Variants in PDZD2 observed in about 807,000 individuals in gnomAD.
The protein encoded by PDZD2 is PDZ domain containing 2.
In PDZD2, 90 loss-of-function variants were observed where a neutral mutation model predicts 220.7. The ratio of observed to expected loss-of-function variants is 0.41; its 90% CI spans 0.34 to 0.49. PDZD2 has a LOEUF of 0.49. PDZD2 is among the 20% of genes least tolerant of loss of function. PDZD2 has a pLI of 0.28. For synonymous variants in PDZD2, 1,375 were observed against 1,450.5 expected, an observed-to-expected ratio of 0.95 and a Z score of 1.18; for missense variants, 3,174 against 3,608.5, an observed-to-expected ratio of 0.88 and a Z score of 3.08.
chr5:32,013,299 G>T (rs1753467789), intron 6 of PDZD2, among the ~76,000 whole-genome samples: 1 of 147,774 alleles, frequency 6.8e-6, no homozygotes. Flanking sequence ...GAACATCTTT[G>T]CTCCTATATC....
chr5:31,994,446 A>G (rs1399184564), intron 3 of PDZD2, among the ~76,000 whole-genome samples: 1 of 151,956 alleles, frequency 6.6e-6, no homozygotes, highest in African/African-American at 2.4e-5. Flanking sequence ...TCTCTACCAA[A>G]CGTCTCATTT....
intron 1 of PDZD2, among the ~76,000 whole-genome samples, chr5:31,666,114 T>TTTGTTCTAG (rs1407354713): frequency 2.0e-5 from 3 of 152,140 alleles, no homozygotes; most frequent in African/African-American, 7.2e-5. Context: ...AGGGAATAAA[T>TTTGTTCTAG]GGTACAAATT....
At position 32,057,752 on chromosome 5, in the gene PDZD2, C is replaced by T. The variant is rs146257182; in HGVS notation, c.1974+24C>T. On this transcript the variant is annotated intron_variant, in intron 11 of 24. Transcript: ENST00000438447. ...AGGTAACAACATTCTTATTGATCTC[C>T]TTTATCCTATTTTCCTTTCTTTATT... 7.6e-5 allele frequency: 114 copies of T among 1,496,880 alleles called. No individual in the cohort carries two copies. In the East Asian group the frequency reaches 2.6e-3, roughly 34 times the overall value. The allele number at this position is 1,496,880 out of a possible 1,614,324, so 92.7% of individuals were successfully genotyped here. A position where few individuals can be genotyped will look rare whatever the true frequency, so the allele number is the denominator to read the frequency against.
intron 1 of PDZD2, among the ~76,000 whole-genome samples, chr5:31,780,857 G>A (rs1319378499): frequency 6.6e-6 from 1 of 152,164 alleles, no homozygotes; most frequent in Non-Finnish European, 1.5e-5. Context: ...GCAGTTCCAG[G>A]CGTGTCACTG....
At chr5:31,762,935 C>T (rs1449499418) in intron 1 of PDZD2, among the ~76,000 whole-genome samples, 26 of 152,102 alleles carry the variant, frequency 1.7e-4, no homozygotes, top group South Asian at 2.1e-4. Context: ...CTTCTGCCCC[C>T]GACCCCTCCA....
intron 1 of PDZD2, among the ~76,000 whole-genome samples, chr5:31,696,753 A>G (rs768943412): frequency 6.6e-6 from 1 of 151,904 alleles, no homozygotes; most frequent in Non-Finnish European, 1.5e-5. Flanking sequence ...CTTAACCTCA[A>G]CCCCTTTCTC....
At chr5:31,766,275 A>T (rs962886010) in intron 1 of PDZD2, among the ~76,000 whole-genome samples, 1 of 152,182 alleles carries the variant, frequency 6.6e-6, no homozygotes, top group African/African-American at 2.4e-5. Flanking sequence ...CCTTTATAGT[A>T]TTGTTTTCTA....
At chr5:31,695,976 G>A (rs1747361757) in intron 1 of PDZD2, among the ~76,000 whole-genome samples, 1 of 152,136 alleles carries the variant, frequency 6.6e-6, no homozygotes, top group Non-Finnish European at 1.5e-5. Context: ...TTTGCCAGCT[G>A]TCTTATCTTT....
At position 32,035,321 on chromosome 5, in the gene PDZD2, C is replaced by T. The variant is rs182542554; in HGVS notation, c.1408-1910C>T. ...TGTCACCTAGGATGGAGTGCAGTGG[C>T]GTGATCTCGGCTCACTGCAACCTGC... On this transcript the variant is annotated intron_variant, in intron 6 of 24. Coordinates refer to ENST00000438447, the MANE Select transcript of PDZD2 (RefSeq NM_178140.4). 4.1e-3 allele frequency among the ~76,000 whole-genome samples: 616 copies of T among 151,756 alleles called. 17 individuals carry two copies. The highest frequency in any genetic ancestry group is 0.034 in the Admixed American group (521 of 15,236).
intron 5 of PDZD2, among the ~76,000 whole-genome samples, chr5:32,006,516 G>A (rs1320965019): frequency 1.3e-5 from 2 of 151,628 alleles, no homozygotes; most frequent in Non-Finnish European, 2.9e-5. Context: ...CACCATACAT[G>A]GCTACTGTTC....
intron 1 of PDZD2, among the ~76,000 whole-genome samples, chr5:31,743,227 G>A (rs1189346970): frequency 6.6e-6 from 1 of 150,940 alleles, no homozygotes; most frequent in Non-Finnish European, 1.5e-5. Context: ...AGGCTGGAGT[G>A]CAGTGGCACA....
At chr5:32,096,562 G>A (rs557774274) in intron 21 of PDZD2, among the ~76,000 whole-genome samples, 7 of 151,954 alleles carry the variant, frequency 4.6e-5, no homozygotes, top group Non-Finnish European at 8.8e-5. Context: ...CAGGTGATCC[G>A]CCCGCCTTGG....
chr5:31,990,707 TGCTA>T (rs1751144841), intron 3 of PDZD2, among the ~76,000 whole-genome samples: 1 of 152,246 alleles, frequency 6.6e-6, no homozygotes, highest in Admixed American at 6.5e-5. Context: ...CTGTTCTAAT[TGCTA>T]GAGAACTAGT....
chr5:31,924,432 C>T (rs1744560768), intron 2 of PDZD2, among the ~76,000 whole-genome samples: 1 of 152,118 alleles, frequency 6.6e-6, no homozygotes, highest in African/African-American at 2.4e-5. Flanking sequence ...GAGTAAGAAA[C>T]CAGCTTTGAG....
At chr5:31,980,074 C>T (rs1372922682) in intron 2 of PDZD2, among the ~76,000 whole-genome samples, 1 of 152,202 alleles carries the variant, frequency 6.6e-6, no homozygotes, top group Non-Finnish European at 1.5e-5. Flanking sequence ...ATTCACATAA[C>T]AGAAAATTCA....
At chr5:31,643,539 A>G (rs1177138340) in intron 1 of PDZD2, among the ~76,000 whole-genome samples, 2 of 152,212 alleles carry the variant, frequency 1.3e-5, no homozygotes, top group Non-Finnish European at 2.9e-5. Flanking sequence ...AGAAAAACAG[A>G]GAACTTGCCC....
At chr5:31,981,285 A>G (rs986388504) in intron 2 of PDZD2, among the ~76,000 whole-genome samples, 1 of 152,088 alleles carries the variant, frequency 6.6e-6, no homozygotes, top group African/African-American at 2.4e-5. Flanking sequence ...ACTTTATTCT[A>G]TGGCAAAAAT....
chr5:32,055,881 A>G (rs1292599263), intron 10 of PDZD2, among the ~76,000 whole-genome samples: 4 of 152,366 alleles, frequency 2.6e-5, no homozygotes, highest in Non-Finnish European at 4.4e-5. Flanking sequence ...GAGCATTTTT[A>G]TAATGGATGT....
chr5:31,975,821 T>TTTTTTTA (rs1392254387), intron 2 of PDZD2, among the ~76,000 whole-genome samples: 15 of 129,262 alleles, frequency 1.2e-4, no homozygotes, highest in East Asian at 2.4e-4. Context: ...TTTTTTTTTT[T>TTTTTTTA]GAGACAAGGT....
Sources: gnomAD v4.1 joint callset for allele counts (sites outside exome capture counted in the v4.1 genomes callset) on GRCh38, gnomAD v4.1.1 for gene constraint, MANE v1.5 for transcripts, NCBI Gene and HGNC (gene_info 2026-07-23, HGNC 2026-07-21) for gene names.